The following MCC variants were observed in gnomAD, a reference collection of about 807,000 sequenced individuals.
The protein encoded by MCC is MCC regulator of Wnt signaling pathway.
A neutral mutation model predicts 116.2 loss-of-function variants in MCC; 90 were observed. That is an observed-to-expected ratio of 0.77 (90% CI 0.65 to 0.92). The LOEUF (loss-of-function observed/expected upper bound fraction) is 0.92. MCC is among the 40% of genes least tolerant of loss of function. MCC has a pLI of 0.00. For missense variants in MCC, 1,516 were observed against 1,312.2 expected (o/e 1.16, Z -2.40); for synonymous variants, 578 against 510.5 (o/e 1.13, Z -1.78).
rs188423898 is a variant in MCC at position 113,413,683 on chromosome 5, T to C, written c.171-28471A>G. On this transcript the variant is annotated intron_variant, in intron 1 of 18. Coordinates refer to ENST00000408903, the MANE Select transcript of MCC (RefSeq NM_001085377.2). ...CTCTTTTCTTCTTTATTAGTCTTGC[T>C]AGCAGCCTATCAATTTTGTTGATCT... Among the ~76,000 whole-genome samples the C allele has an allele frequency of 2.9e-3, 446 of 152,340 alleles. 5 individuals carry two copies. The highest frequency in any genetic ancestry group is 0.01 in the African/African-American group (432 of 41,578).
rs755041373 is a variant in MCC, at chr5:113,434,562, G to A, written c.171-49350C>T. 35 of 1,613,358 alleles carry A rather than the reference G, an allele frequency of 2.2e-5. No individual in the cohort carries two copies. Among genetic ancestry groups the A allele is most frequent in the Non-Finnish European group, 2.6e-5 (31 of 1,179,592 alleles). On this transcript the variant is annotated intron_variant, in intron 1 of 18. Transcript: ENST00000408903. This position sits in a 1 kb window ranked among gnomAD's most constrained non-coding sequence, Gnocchi z 4.2. ...TAACTCGAGGAGGTCGCCCTGGACC[G>A]CGAGCTCCATGACGATGTAGACCTT...
chr5:113,261,795 A>T (rs938709946), intron 3 of MCC, among the ~76,000 whole-genome samples: 2 of 151,796 alleles, frequency 1.3e-5, no homozygotes, highest in Non-Finnish European at 2.9e-5. Flanking sequence ...TCCTAAAAGC[A>T]CTCTCCGTTT....
chr5:113,117,069 A>C (rs1233251368), intron 6 of MCC, among the ~76,000 whole-genome samples: 1 of 152,214 alleles, frequency 6.6e-6, no homozygotes, highest in Non-Finnish European at 1.5e-5. Flanking sequence ...TAGCCACCTC[A>C]TTCCTAGCAA....
chr5:113,048,231 T>A (rs1752246522), intron 16 of MCC, among the ~76,000 whole-genome samples: 1 of 152,164 alleles, frequency 6.6e-6, no homozygotes, highest in South Asian at 2.1e-4. Flanking sequence ...TTAACTGCAG[T>A]TTTGCTTTCT....
intron 1 of MCC, chr5:113,436,521 ACT>A (rs1770870250): frequency 6.6e-6 from 1 of 152,110 alleles, no homozygotes; most frequent in Non-Finnish European, 1.5e-5. Flanking sequence ...CTGACAACAG[ACT>A]CTGGCAGTAA....
At chr5:113,378,844 T>C (rs1474209069) in intron 2 of MCC, among the ~76,000 whole-genome samples, 2 of 152,238 alleles carry the variant, frequency 1.3e-5, no homozygotes, top group East Asian at 1.9e-4. Context: ...AAAGGCTCCG[T>C]TGGAATTGCT....
At chr5:113,294,592 A>T in intron 3 of MCC, 2 of 1,237,314 alleles carry the variant, frequency 1.6e-6, no homozygotes, top group Non-Finnish European at 2.0e-6. Context: ...CGGACGAGCC[A>T]TTGCTGCAGG....
chr5:113,032,980 G>C (rs1370663068), intron 17 of MCC, among the ~76,000 whole-genome samples: 2 of 152,214 alleles, frequency 1.3e-5, no homozygotes, highest in East Asian at 1.9e-4. Context: ...TTATCAAGAA[G>C]TAACCATAAA....
In MCC at chr5:113,027,194, C is replaced by T. The variant is rs544667413; in HGVS notation, c.*108G>A. 1.1e-4 allele frequency: 131 copies of T among 1,219,354 alleles called. 1 individual carries two copies. The African/African-American group carries it at 1.8e-3, about 17-fold the overall frequency. The allele number at this position is 1,219,354 out of a possible 1,614,324, so 75.5% of individuals were successfully genotyped here. On this transcript the variant is annotated 3_prime_UTR_variant, in exon 19 of 19. Coordinates refer to ENST00000408903, the MANE Select transcript of MCC (RefSeq NM_001085377.2). ...CATTGTCCAAGTGCCGACCTACCTGCCAGCCTTCCCTTTCCTCCTCCTCCC... is the reference window on the plus strand; with the variant it reads ...CATTGTCCAAGTGCCGACCTACCTGTCAGCCTTCCCTTTCCTCCTCCTCCC...
chr5:113,362,648 C>T (rs1768578233), intron 2 of MCC, among the ~76,000 whole-genome samples: 1 of 151,800 alleles, frequency 6.6e-6, no homozygotes, highest in South Asian at 2.1e-4. Context: ...TATTTTGAGG[C>T]TATATAATTA....
chr5:113,085,569 A>T (rs1362822694), intron 8 of MCC, among the ~76,000 whole-genome samples: 1 of 152,144 alleles, frequency 6.6e-6, no homozygotes, highest in East Asian at 1.9e-4. Context: ...TAGTTTTTAT[A>T]TTTGCCTAAG....
At chr5:113,463,800 A>G (rs766513013) in intron 1 of MCC, among the ~76,000 whole-genome samples, 1 of 152,214 alleles carries the variant, frequency 6.6e-6, no homozygotes, top group Non-Finnish European at 1.5e-5. Flanking sequence ...TGAAACGTAA[A>G]TAAGAGACGA....
At chr5:113,039,343 C>G (rs934135258) in intron 17 of MCC, among the ~76,000 whole-genome samples, 2 of 152,226 alleles carry the variant, frequency 1.3e-5, no homozygotes, top group Non-Finnish European at 2.9e-5. Flanking sequence ...GCAACAGCAC[C>G]TGGCTCACTC....
intron 18 of MCC, 128 bp downstream of exon 18, chr5:113,028,806 C>G: frequency 8.8e-7 from 1 of 1,137,700 alleles, no homozygotes; most frequent in South Asian, 1.7e-5. Flanking sequence ...AGGGACTCAC[C>G]CACTTTCTAG....
At position 113,230,829 on chromosome 5, in the gene MCC, A is replaced by G. The variant is rs563713604; in HGVS notation, c.628-79407T>C. 7.9e-5 allele frequency among the ~76,000 whole-genome samples: 12 copies of G among 152,288 alleles called. 1 individual carries two copies. Among genetic ancestry groups the G allele is most frequent in the Admixed American group, 5.2e-4 (8 of 15,290 alleles). On this transcript the variant is annotated intron_variant, in intron 3 of 18. Transcript: ENST00000408903. ...TCTCTAAAATGAAAACTACCATTCC[A>G]TTGACTTTCTCTTCAATCAGTTGAG...
At chr5:113,180,105 A>G (rs781631009) in intron 3 of MCC, among the ~76,000 whole-genome samples, 4 of 152,160 alleles carry the variant, frequency 2.6e-5, no homozygotes, top group Non-Finnish European at 4.4e-5. Flanking sequence ...GATTTTAGGA[A>G]GGGGTCGCCT....
chr5:113,263,951 C>T (rs1167645217), intron 3 of MCC, among the ~76,000 whole-genome samples: 5 of 151,682 alleles, frequency 3.3e-5, no homozygotes, highest in African/African-American at 7.3e-5. Flanking sequence ...AAAAAAAACA[C>T]GTGGTCAGAT....
At chr5:113,311,835 C>T (rs562494677) in intron 3 of MCC, among the ~76,000 whole-genome samples, 4 of 151,398 alleles carry the variant, frequency 2.6e-5, no homozygotes, top group Admixed American at 6.6e-5. Context: ...AGGCTGGGCG[C>T]GGTGGCTGAT....
intron 3 of MCC, among the ~76,000 whole-genome samples, chr5:113,212,382 T>C (rs986503561): frequency 1.8e-4 from 28 of 152,272 alleles, no homozygotes; most frequent in Middle Eastern, 6.8e-3. Flanking sequence ...CAAAGCTCCA[T>C]GACCTGGCTC....
Sources: gnomAD v4.1 joint callset for allele counts (sites outside exome capture counted in the v4.1 genomes callset) on GRCh38, gnomAD v4.1.1 for gene constraint, Gnocchi (gnomAD v3.1) non-coding constraint, MANE v1.5 for transcripts, NCBI Gene and HGNC (gene_info 2026-07-23, HGNC 2026-07-21) for gene names.